The following NIPBL variants were observed in gnomAD, a reference collection of about 807,000 sequenced individuals.
The protein encoded by NIPBL is nipped-B-like protein.
A neutral mutation model predicts 321.8 loss-of-function variants in NIPBL; 19 were observed. The observed-to-expected ratio is 0.06, with a 90% CI of 0.04 to 0.09. The LOEUF is 0.09. Ranked by LOEUF, NIPBL falls within the 10% of genes least tolerant of loss-of-function variation. The probability of loss-of-function intolerance (pLI) is 1.00; values close to 1 mark genes in which losing one functional copy is unlikely to be tolerated. For synonymous variants in NIPBL, 1,106 were observed against 1,114.1 expected, an observed-to-expected ratio of 0.99 and a Z score of 0.14; for missense variants, 2,210 against 3,327.0, an observed-to-expected ratio of 0.66 and a Z score of 8.26.
chr5:36,989,344 A>G (rs1419726080), intron 10 of NIPBL, among the ~76,000 whole-genome samples: 1 of 152,170 alleles, frequency 6.6e-6, no homozygotes. Context: ...TAACTTCCCT[A>G]TCTTTCCATC....
At chr5:36,975,496 C>T (rs1240025497) in intron 8 of NIPBL, among the ~76,000 whole-genome samples, 1 of 151,982 alleles carries the variant, frequency 6.6e-6, no homozygotes, top group Non-Finnish European at 1.5e-5. Context: ...AATATGTATA[C>T]TTTATAGGCA....
chr5:37,006,596 CG>C lies in NIPBL; in HGVS notation c.4087+9del, dbSNP rs764679386. On this transcript the variant is annotated intron_variant, in intron 17 of 46. Transcript: ENST00000282516. The stretch of plus-strand genomic sequence containing the variant: ...GATTAGATCCTCATGGAGGTTAGTT[CG>C]TATAATATCAAAATTATTGTAAATT... 4.5e-6 allele frequency: 7 copies of C among 1,546,344 alleles called. No individual in the cohort carries two copies. In the East Asian group the frequency reaches 1.6e-4, roughly 35 times the overall value.
Position 37,036,351 on chromosome 5 carries a change from ATATATATATATATATATG to A in NIPBL, c.5863-19_5863-2del, listed in dbSNP as rs753611931. The A allele has an allele frequency of 4.9e-4, 169 of 346,556 alleles. No individual in the cohort carries two copies. Among genetic ancestry groups the A allele is most frequent in the African/African-American group, 3.8e-3 (162 of 43,114 alleles). 21.5% of individuals were successfully genotyped at this position (346,556 alleles called of 1,614,324 possible). ...TTCTTTTTTGTATATATATATGTAT[ATATATATATATATATATG>A]TATATATAGTTGTTGAAGTCCGAAG... On this transcript the variant is annotated splice_polypyrimidine_tract_variant and intron_variant, in intron 32 of 46. Coordinates refer to ENST00000282516, the MANE Select transcript of NIPBL (RefSeq NM_133433.4).
intron 1 of NIPBL, among the ~76,000 whole-genome samples, chr5:36,927,169 AAAG>A (rs954182360): frequency 1.3e-5 from 2 of 152,186 alleles, no homozygotes; most frequent in African/African-American, 2.4e-5. Flanking sequence ...AGATCTGAGA[AAAG>A]AAAGAATCCT....
chr5:36,979,322 C>G (rs566041470), intron 9 of NIPBL, among the ~76,000 whole-genome samples: 2 of 151,694 alleles, frequency 1.3e-5, no homozygotes, highest in East Asian at 3.9e-4. Flanking sequence ...TAAATGTATT[C>G]CTAGGTATTT....
rs1455068111 is a variant in NIPBL at position 36,997,336 on chromosome 5, A to G, written c.3304+1532A>G. Among the ~76,000 whole-genome samples, 4 of 152,258 alleles carry G rather than the reference A, an allele frequency of 2.6e-5. No individual in the cohort carries two copies. In the East Asian group the frequency reaches 5.8e-4, roughly 22 times the overall value. On this transcript the variant is annotated intron_variant, in intron 11 of 46. Coordinates refer to ENST00000282516, the MANE Select transcript of NIPBL (RefSeq NM_133433.4). Reference sequence around the variant, plus strand: ...TGAAAGTGACTGCCTCCATTACTAAATTGCAAAGATTTCTGAAGCTGTCTC... The same window carrying G: ...TGAAAGTGACTGCCTCCATTACTAAGTTGCAAAGATTTCTGAAGCTGTCTC...
Position 36,986,021 on chromosome 5 carries a change from G to C in NIPBL, c.2841G>C (p.Gly947=). Residue 947 remains glycine, a synonymous_variant, in exon 10 of 47, where the codon GGG becomes GGC. Transcript: ENST00000282516. ...NKAEFPSYLL[G]GRSGALKNFV... Reference sequence around the variant, plus strand: ...CAGAATTTCCAAGTTATTTGTTGGGGGGCAGGTCTGGTGCGTTGAAAAATT... The same window carrying C: ...CAGAATTTCCAAGTTATTTGTTGGGCGGCAGGTCTGGTGCGTTGAAAAATT... 1 of 1,613,922 alleles carries C rather than the reference G, an allele frequency of 6.2e-7. No homozygotes were observed. Among genetic ancestry groups the C allele is most frequent in the Non-Finnish European group, 8.5e-7 (1 of 1,179,916 alleles).
intron 29 of NIPBL, among the ~76,000 whole-genome samples, chr5:37,024,042 G>A (rs946445194): frequency 2.6e-5 from 4 of 151,954 alleles, no homozygotes; most frequent in African/African-American, 4.8e-5. Context: ...GTATGCACCT[G>A]TAATCCCAGC....
At chr5:37,002,383 C>CA (rs1746917491) in intron 14 of NIPBL, among the ~76,000 whole-genome samples, 1 of 152,200 alleles carries the variant, frequency 6.6e-6, no homozygotes, top group African/African-American at 2.4e-5. Flanking sequence ...CCATTCAGGT[C>CA]AGCCTCCTGA....
At position 37,036,347 on chromosome 5, in the gene NIPBL, G is replaced by A. The variant is rs201918847; in HGVS notation, c.5863-32G>A. The A allele has an allele frequency of 2.3e-4, 89 of 384,388 alleles. No homozygotes were observed. The highest frequency in any genetic ancestry group is 2.0e-3 in the Admixed American group (37 of 18,548). The allele number at this position is 384,388 out of a possible 1,614,324, so 23.8% of individuals were successfully genotyped here. On this transcript the variant is annotated intron_variant, in intron 32 of 46. Coordinates refer to ENST00000282516, the MANE Select transcript of NIPBL (RefSeq NM_133433.4). ...TTTTTTCTTTTTTGTATATATATATGTATATATATATATATATATATGTAT... is the reference window on the plus strand; with the variant it reads ...TTTTTTCTTTTTTGTATATATATATATATATATATATATATATATATGTAT...
At chr5:36,883,381 T>C (rs987378721) in intron 1 of NIPBL, among the ~76,000 whole-genome samples, 12 of 151,874 alleles carry the variant, frequency 7.9e-5, no homozygotes, top group African/African-American at 2.7e-4. Context: ...TATATACTTT[T>C]GCCTCTCCTG....
At chr5:36,942,189 T>C (rs1031397693) in intron 1 of NIPBL, among the ~76,000 whole-genome samples, 7 of 151,916 alleles carry the variant, frequency 4.6e-5, no homozygotes, top group Non-Finnish European at 8.8e-5. Flanking sequence ...TCCCAGCTCT[T>C]TGGGAGGCGG....
intron 1 of NIPBL, among the ~76,000 whole-genome samples, chr5:36,919,674 G>A (rs1235659180): frequency 2.0e-5 from 3 of 152,100 alleles, no homozygotes; most frequent in Non-Finnish European, 4.4e-5. Context: ...CCCTGACTGA[G>A]AAAGAAGATA....
At chr5:36,886,500 C>A in intron 1 of NIPBL, 1 of 751,560 alleles carries the variant, frequency 1.3e-6, no homozygotes, top group East Asian at 2.5e-5. Context: ...GACATTAAGT[C>A]AGCAGAAGCA....
rs543446621 is a variant in NIPBL at position 37,019,839 on chromosome 5, A to G, written c.5010+439A>G. Among the ~76,000 whole-genome samples, 4 of 152,346 alleles carry G rather than the reference A, an allele frequency of 2.6e-5. No homozygotes were observed. In the South Asian group the frequency reaches 8.3e-4, roughly 32 times the overall value. ...ACCAAAATATTAGTATAAGAGGTTC[A>G]TGTACAAAATTTATAAACTATTATT... is the stretch of plus-strand genomic sequence containing the variant. On this transcript the variant is annotated intron_variant, in intron 25 of 46. Transcript: ENST00000282516.
At chr5:37,004,961 A>G (rs1175950761) in intron 16 of NIPBL, among the ~76,000 whole-genome samples, 1 of 152,222 alleles carries the variant, frequency 6.6e-6, no homozygotes, top group African/African-American at 2.4e-5. Context: ...GGGGATCTAC[A>G]TGGAATAAAA....
intron 45 of NIPBL, among the ~76,000 whole-genome samples, chr5:37,062,487 C>T (rs1422588755): frequency 2.0e-5 from 3 of 150,882 alleles, no homozygotes; most frequent in East Asian, 3.9e-4. Context: ...TACCAAGGAC[C>T]GGGGAAGGAA....
intron 9 of NIPBL, among the ~76,000 whole-genome samples, chr5:36,977,054 G>T (rs903912129): frequency 2.6e-5 from 4 of 151,860 alleles, no homozygotes; most frequent in Admixed American, 2.6e-4. Context: ...CTTTCCTTGC[G>T]CTTCATAATC....
intron 6 of NIPBL, among the ~76,000 whole-genome samples, chr5:36,968,119 CAAAA>C (rs1742441689): frequency 1.6e-5 from 2 of 124,712 alleles, no homozygotes; most frequent in Non-Finnish European, 3.4e-5. Flanking sequence ...AAACAAAAAA[CAAAA>C]AACGAATAAG....
Sources: allele counts gnomAD v4.1 joint callset (sites outside exome capture counted in the v4.1 genomes callset), GRCh38; gene constraint gnomAD v4.1.1; transcripts MANE v1.5; gene names NCBI Gene and HGNC (gene_info 2026-07-23, HGNC 2026-07-21).